The following A3GALT2 variants were observed in gnomAD, a reference collection of about 807,000 sequenced individuals.
The protein encoded by A3GALT2 is alpha 1,3-galactosyltransferase 2.
A neutral mutation model predicts 16.6 loss-of-function variants in A3GALT2; 14 were observed. That is an observed-to-expected ratio of 0.84 (90% confidence interval 0.56 to 1.32). A3GALT2 has a LOEUF of 1.32. Among genes scored for constraint, A3GALT2 ranks in the 40% most tolerant of loss-of-function variants. The pLI is 0.00. For synonymous variants in A3GALT2, 253 were observed against 218.0 expected (o/e 1.16, Z -1.42); for missense variants, 600 against 490.9 (o/e 1.22, Z -2.10).
In A3GALT2 at chr1:33,320,999, T is replaced by C. The variant is rs762281862; in HGVS notation, c.23+77A>G. 24 of 1,583,192 alleles carry C rather than the reference T, an allele frequency of 1.5e-5. No homozygotes were observed. Among genetic ancestry groups the C allele is most frequent in the Non-Finnish European group, 3.5e-6 (4 of 1,153,198 alleles). ...TCTGGTGCCTCCCCTTGGTACTGTT[T>C]TAGCCATCAGACTGGATCCCTCTTA... On this transcript the variant is annotated intron_variant, in intron 1 of 4. Transcript: ENST00000442999. The surrounding 1 kb of genome is among the most constrained non-coding windows in gnomAD (Gnocchi z 4.3).
rs188488499 is a variant in A3GALT2, at chr1:33,318,068, C to T, written c.23+3008G>A. On this transcript the variant is annotated intron_variant, in intron 1 of 4. Coordinates refer to ENST00000442999, the MANE Select transcript of A3GALT2 (RefSeq NM_001080438.1). Reference sequence around the variant, plus strand: ...GGTGAAAAGGAAGGAATAACTAATACGGAGAGGCAGACCTTGCTTCTGGCA... The same window carrying T: ...GGTGAAAAGGAAGGAATAACTAATATGGAGAGGCAGACCTTGCTTCTGGCA... Among the ~76,000 whole-genome samples, 230 of 152,288 alleles carry T rather than the reference C, an allele frequency of 1.5e-3. 1 individual carries two copies. The highest frequency in any genetic ancestry group is 5.5e-3 in the African/African-American group (227 of 41,544).
intron 4 of A3GALT2, among the ~76,000 whole-genome samples, chr1:33,311,409 G>A (rs915648401): frequency 2.0e-5 from 3 of 152,102 alleles, no homozygotes; most frequent in African/African-American, 7.2e-5. Flanking sequence ...TAAGGACCTC[G>A]TTCTTCTAGC....
intron 3 of A3GALT2, 150 bp downstream of exon 3, chr1:33,312,351 G>A (rs1646236970): frequency 7.9e-7 from 1 of 1,273,066 alleles, no homozygotes; most frequent in Non-Finnish European, 1.1e-6. Flanking sequence ...ACAGAGGACT[G>A]GGAGATGTGT....
At chr1:33,312,322 G>C in intron 3 of A3GALT2, 133 bp from the exon 4 acceptor site, 1 of 1,395,874 alleles carries the variant, frequency 7.2e-7, no homozygotes, top group Non-Finnish European at 9.7e-7. Context: ...GCCCCTGGAA[G>C]CCTCCAGCTC....
At chr1:33,312,762 C>T in intron 2 of A3GALT2, 45 bp downstream of exon 2, 2 of 1,554,848 alleles carry the variant, frequency 1.3e-6, no homozygotes, top group Non-Finnish European at 1.8e-6. Context: ...CCCCTTTAAA[C>T]CTGACTGTGG....
At chr1:33,310,547 C>T (rs1646228679) in intron 4 of A3GALT2, among the ~76,000 whole-genome samples, 1 of 152,154 alleles carries the variant, frequency 6.6e-6, no homozygotes, top group Non-Finnish European at 1.5e-5. Context: ...CATGTGGCAG[C>T]CACTGCTTTC....
chr1:33,312,475 G>T lies in A3GALT2; in HGVS notation c.197+26C>A, dbSNP rs1478228994. 1.9e-6 allele frequency: 3 copies of T among 1,555,224 alleles called. 1 individual carries two copies. The highest frequency in any genetic ancestry group is 3.8e-5 in the Admixed American group (2 of 53,204). ...TGTGTAGGGTTTGGGGGTGCCCTTG[G>T]AGTAGGAGGGATGGGAGCTTCTTAC... On this transcript the variant is annotated intron_variant, in intron 3 of 4. Transcript: ENST00000442999.
chr1:33,312,598 G>A lies in A3GALT2; in HGVS notation c.108-8C>T. Reference sequence around the variant, plus strand: ...ATGAGGGCTTCCAGATGCCTGTGGTGGGTTGAGGGGCGGGGGGCAGGCAGC... The same window carrying A: ...ATGAGGGCTTCCAGATGCCTGTGGTAGGTTGAGGGGCGGGGGGCAGGCAGC... On this transcript the variant is annotated splice_region_variant and splice_polypyrimidine_tract_variant and intron_variant, in intron 2 of 4. Transcript: ENST00000442999. 6.4e-7 allele frequency: 1 copy of A among 1,570,976 alleles called. No homozygotes were observed. Among genetic ancestry groups the A allele is most frequent in the Non-Finnish European group, 8.6e-7 (1 of 1,156,748 alleles).
intron 1 of A3GALT2, among the ~76,000 whole-genome samples, chr1:33,318,576 T>G (rs1413881166): frequency 6.6e-6 from 1 of 152,140 alleles, no homozygotes; most frequent in African/African-American, 2.4e-5. Flanking sequence ...TGGATTCCTA[T>G]AACAGCCTCC....
chr1:33,316,393 C>T (rs1646262198), intron 1 of A3GALT2, among the ~76,000 whole-genome samples: 10 of 152,036 alleles, frequency 6.6e-5, no homozygotes, highest in Admixed American at 6.6e-4. Flanking sequence ...GGTATTTCCT[C>T]TGGGGAGTGA....
intron 4 of A3GALT2, among the ~76,000 whole-genome samples, chr1:33,308,750 G>GTTGTTT (rs1646216251): frequency 4.1e-4 from 19 of 46,128 alleles, no homozygotes; most frequent in Admixed American, 7.3e-4. Flanking sequence ...TGTCAAAGTT[G>GTTGTTT]TTTTTTTTTT....
At chr1:33,309,460 C>T (rs1053514172) in intron 4 of A3GALT2, among the ~76,000 whole-genome samples, 4 of 151,740 alleles carry the variant, frequency 2.6e-5, no homozygotes, top group African/African-American at 7.3e-5. Context: ...ACGTCCCTCC[C>T]GGATGGGGCG....
chr1:33,308,791 G>C (rs559532766), intron 4 of A3GALT2, among the ~76,000 whole-genome samples: 1 of 44,822 alleles, frequency 2.2e-5, no homozygotes, highest in Non-Finnish European at 4.1e-5. Flanking sequence ...AGTATTTATT[G>C]ATCATTCTTG....
At chr1:33,308,362 G>A (rs1646213735) in intron 4 of A3GALT2, among the ~76,000 whole-genome samples, 1 of 151,992 alleles carries the variant, frequency 6.6e-6, no homozygotes. Flanking sequence ...GAGAGCATGA[G>A]AAGAGGAGCC....
chr1:33,312,675 A>G, intron 2 of A3GALT2, 85 bp from the exon 3 acceptor site: 1 of 1,453,660 alleles, frequency 6.9e-7, no homozygotes, highest in Non-Finnish European at 9.5e-7. Context: ...GCTTCTTACA[A>G]GGAGAGAGAG....
intron 1 of A3GALT2, chr1:33,314,056 C>CTTTTTTTTTTTTTTTTTTTTTTTTT (rs11304832): frequency 1.2e-5 from 1 of 83,418 alleles, no homozygotes. Context: ...CTTCCTTCCT[C>CTTTTTTTTTTTTTTTTTTTTTTTTT]TTTTTTTTTT....
At chr1:33,315,380 CAAA>C (rs60385074) in intron 1 of A3GALT2, among the ~76,000 whole-genome samples, 20 of 108,664 alleles carry the variant, frequency 1.8e-4, no homozygotes, top group Non-Finnish European at 2.1e-4. Flanking sequence ...GACTCTGTCT[CAAA>C]AAAAAAAAAA....
In A3GALT2 at chr1:33,320,632, C is replaced by T. The variant is rs1485742031; in HGVS notation, c.23+444G>A. Reference sequence around the variant, plus strand: ...CACCCTGTGCCCTGCTCCCCACTCTCGTTGGCTTCAAGAAAGGGTTAAAGA... The same window carrying T: ...CACCCTGTGCCCTGCTCCCCACTCTTGTTGGCTTCAAGAAAGGGTTAAAGA... On this transcript the variant is annotated intron_variant, in intron 1 of 4. Coordinates refer to ENST00000442999, the MANE Select transcript of A3GALT2 (RefSeq NM_001080438.1). The surrounding 1 kb of genome is among the most constrained non-coding windows in gnomAD (Gnocchi z 4.3). 6.6e-6 allele frequency among the ~76,000 whole-genome samples: 1 copy of T among 152,022 alleles called. No homozygotes were observed. Among genetic ancestry groups the T allele is most frequent in the Non-Finnish European group, 1.5e-5 (1 of 68,032 alleles).
At position 33,307,001 on chromosome 1, in the gene A3GALT2, GCCA is replaced by G; in HGVS notation, c.785_787del (p.Val262del). ...GTGCGCCGTCAGCCCGCGCAGCGCC[GCCA>G]CGCTGCCCCCGAACACCGCCGCGTG... On this transcript the variant is annotated inframe_deletion, in exon 5 of 5. Coordinates refer to ENST00000442999, the MANE Select transcript of A3GALT2 (RefSeq NM_001080438.1). 1 of 1,458,298 alleles carries G rather than the reference GCCA, an allele frequency of 6.9e-7. No individual in the cohort carries two copies. The highest frequency in any genetic ancestry group is 1.4e-5 in the South Asian group (1 of 72,910). 90.3% of individuals were successfully genotyped at this position (1,458,298 alleles called of 1,614,324 possible).
Sources: gnomAD v4.1 joint callset for allele counts (sites outside exome capture counted in the v4.1 genomes callset) on GRCh38, gnomAD v4.1.1 for gene constraint, Gnocchi (gnomAD v3.1) non-coding constraint, MANE v1.5 for transcripts, NCBI Gene and HGNC (gene_info 2026-07-23, HGNC 2026-07-21) for gene names.